ANKRD30A: variants seen among roughly 807,000 people sequenced by gnomAD.
The protein encoded by ANKRD30A is ankyrin repeat domain-containing protein 30A.
In ANKRD30A, 170 loss-of-function variants were observed where a neutral mutation model predicts 166.3. That is an observed-to-expected ratio of 1.02 (90% CI 0.90 to 1.16). ANKRD30A has a LOEUF of 1.16. Ranked by LOEUF, ANKRD30A falls within the 50% of genes most tolerant of loss-of-function variation. The pLI is 0.00. For missense variants in ANKRD30A, 1,630 were observed against 1,518.0 expected (o/e 1.07, Z -1.23); for synonymous variants, 564 against 508.9 (o/e 1.11, Z -1.46).
intron 30 of ANKRD30A, among the ~76,000 whole-genome samples, chr10:37,200,057 A>G (rs1002966020): frequency 6.6e-6 from 1 of 152,048 alleles, no homozygotes; most frequent in Non-Finnish European, 1.5e-5. Context: ...TTCACATGGG[A>G]TCTGAAGTAC....
At chr10:37,153,779 A>T (rs956109781) in intron 13 of ANKRD30A, 117 bp downstream of exon 13, 6 of 1,392,192 alleles carry the variant, frequency 4.3e-6, no homozygotes, top group Non-Finnish European at 5.9e-6. Flanking sequence ...CATGGAAAAA[A>T]AGAGAAGTGC....
chr10:37,143,915 CT>C (rs34646779), intron 7 of ANKRD30A, among the ~76,000 whole-genome samples: 7,779 of 132,044 alleles, frequency 0.059, 187 homozygotes, highest in East Asian at 0.11. Flanking sequence ...ATGCTATAGT[CT>C]TTTTTTTTTT....
At chr10:37,191,645 G>T (rs1157656437) in intron 25 of ANKRD30A, among the ~76,000 whole-genome samples, 1 of 151,950 alleles carries the variant, frequency 6.6e-6, no homozygotes, top group Non-Finnish European at 1.5e-5. Flanking sequence ...CAATGTTGTT[G>T]TCATTCTACA....
chr10:37,136,891 T>C (rs1836733595), intron 6 of ANKRD30A, among the ~76,000 whole-genome samples: 1 of 151,272 alleles, frequency 6.6e-6, no homozygotes, highest in African/African-American at 2.4e-5. Flanking sequence ...CAGAATTAGT[T>C]AAGAATTTAG....
At chr10:37,206,034 T>G (rs1398972638) in intron 31 of ANKRD30A, among the ~76,000 whole-genome samples, 1 of 152,078 alleles carries the variant, frequency 6.6e-6, no homozygotes, top group Non-Finnish European at 1.5e-5. Context: ...AGAAAGAGGT[T>G]AAAAAGCAAA....
chr10:37,161,077 C>A (rs1276279450), intron 15 of ANKRD30A, among the ~76,000 whole-genome samples: 1 of 152,156 alleles, frequency 6.6e-6, no homozygotes, highest in Non-Finnish European at 1.5e-5. Flanking sequence ...CAAGGCGAAA[C>A]CCTGTCTCTA....
chr10:37,253,281 A>C, the ANKRD30A span, among the ~76,000 whole-genome samples: 1 of 152,210 alleles, frequency 6.6e-6, no homozygotes, highest in Non-Finnish European at 1.5e-5. Flanking sequence ...GCCACTAGCC[A>C]CATGTGGCTA....
chr10:37,216,965 A>G (rs1842636169), intron 32 of ANKRD30A, among the ~76,000 whole-genome samples: 1 of 151,060 alleles, frequency 6.6e-6, no homozygotes, highest in East Asian at 1.9e-4. Context: ...AAAATGTATA[A>G]TAATTTATTA....
chr10:37,164,911 G>A (rs74467428), intron 17 of ANKRD30A, among the ~76,000 whole-genome samples, 183 bp from the exon 18 acceptor site: 3,045 of 152,162 alleles, frequency 0.02, 101 homozygotes, highest in African/African-American at 0.069. Context: ...TTAATTGTCA[G>A]AGTTTTTAGA....
intron 3 of ANKRD30A, among the ~76,000 whole-genome samples, chr10:37,130,674 G>T (rs1193485551): frequency 6.6e-6 from 1 of 152,018 alleles, no homozygotes; most frequent in Non-Finnish European, 1.5e-5. Flanking sequence ...AAAACTAGAG[G>T]AAAGCAAAAA....
intron 30 of ANKRD30A, among the ~76,000 whole-genome samples, chr10:37,200,581 C>G (rs1301505134): frequency 6.6e-6 from 1 of 151,994 alleles, no homozygotes; most frequent in South Asian, 2.1e-4. Context: ...TGTAATTGGA[C>G]AAAAAGACTT....
chr10:37,156,366 A>G (rs1410158127), intron 13 of ANKRD30A, among the ~76,000 whole-genome samples: 1 of 151,980 alleles, frequency 6.6e-6, no homozygotes, highest in African/African-American at 2.4e-5. Flanking sequence ...ACCCCTTTAT[A>G]AAAATAAAAG....
chr10:37,162,838 A>T lies in ANKRD30A; in HGVS notation c.1992A>T (p.Thr664=), dbSNP rs780645339. Residue 664 remains threonine (T), a synonymous_variant, in exon 17 of 36, where the codon ACA becomes ACT. Coordinates refer to ENST00000361713, the MANE Select transcript of ANKRD30A (RefSeq NM_052997.3). ...NKALELKNEQ[T]LRADEILPSE... is the part of the protein sequence containing the mutation. ...CCTTGGAATTGAAAAATGAACAAAC[A>T]TTGAGAGCAGGTAAATTTTTCAATG... The T allele has an allele frequency of 2.5e-6, 4 of 1,613,492 alleles. No homozygotes were observed. The highest frequency in any genetic ancestry group is 3.4e-6 in the Non-Finnish European group (4 of 1,179,678).
the ANKRD30A span, among the ~76,000 whole-genome samples, chr10:37,255,681 T>C: frequency 6.6e-6 from 1 of 152,228 alleles, no homozygotes. Context: ...TAAATTTTTA[T>C]GGCATTTTAA....
At chr10:37,230,870 G>A (rs1843383770) in intron 34 of ANKRD30A, among the ~76,000 whole-genome samples, 1 of 152,056 alleles carries the variant, frequency 6.6e-6, no homozygotes, top group Non-Finnish European at 1.5e-5. Flanking sequence ...GAAGACAGAA[G>A]GCACAGGCCC....
Position 37,149,805 on chromosome 10 carries a change from C to A in ANKRD30A, c.1601C>A (p.Pro534Gln). 6.2e-7 allele frequency: 1 copy of A among 1,612,836 alleles called. No homozygotes were observed. The change falls in exon 11 of 36, where the codon CCA (proline) becomes CAA (glutamine). Residue 534 changes from proline to glutamine, a missense_variant. Around this residue, in one of 4 missense-constraint regions of ANKRD30A, gnomAD observed 904 missense variants for 818.5 expected, o/e 1.10. Transcript: ENST00000361713. Reference protein sequence around the residue: ...KPAIEMQNSVPNKAFELKNEQ... With the variant: ...KPAIEMQNSVQNKAFELKNEQ... ...GCCATTGAAATGCAAAACTCTGTTCCAAATAAAGCCTTTGAATTGAAGAAT... is the reference window on the plus strand; with the variant it reads ...GCCATTGAAATGCAAAACTCTGTTCAAAATAAAGCCTTTGAATTGAAGAAT...
intron 25 of ANKRD30A, among the ~76,000 whole-genome samples, chr10:37,191,591 T>C (rs886572994): frequency 5.3e-5 from 8 of 152,060 alleles, no homozygotes; most frequent in Non-Finnish European, 1.0e-4. Context: ...CATATACATA[T>C]TGGTATTAAC....
rs1838551008 is a variant in ANKRD30A, at chr10:37,158,398, CT to C, written c.1806del (p.Asn603IlefsTer6). ...TATGTCCCTTTTCTTATAGAGTCTC[CT>C]AATAAAGATGGTCTTCTGAAGGTAA... ...DKINGKLEES[P>X]NKDGLLKATC... On this transcript the variant is annotated frameshift_variant, in exon 14 of 36. Transcript: ENST00000361713. LOFTEE classifies it high-confidence loss of function. The C allele has an allele frequency of 1.9e-6, 3 of 1,609,930 alleles. No individual in the cohort carries two copies. The Admixed American group carries it at 5.0e-5, about 27-fold the overall frequency.
At chr10:37,251,966 AG>A in the ANKRD30A span, among the ~76,000 whole-genome samples, 4 of 152,126 alleles carry the variant, frequency 2.6e-5, no homozygotes, top group Non-Finnish European at 4.4e-5. Flanking sequence ...AACTGATTCG[AG>A]GTTAAAACTA....
Sources: allele counts gnomAD v4.1 joint callset (sites outside exome capture counted in the v4.1 genomes callset), GRCh38; gene constraint gnomAD v4.1.1; regional missense constraint gnomAD v4.1.1; transcripts MANE v1.5; gene names NCBI Gene and HGNC (gene_info 2026-07-23, HGNC 2026-07-21).